The following MAP3K13 variants were observed in gnomAD, a reference collection of about 807,000 sequenced individuals.
The protein encoded by MAP3K13 is mitogen-activated protein kinase kinase kinase 13, also known as leucine zipper-bearing kinase.
In MAP3K13, 52 loss-of-function variants were observed where a neutral mutation model predicts 104.0. The observed-to-expected ratio is 0.50, with a 90% confidence interval of 0.40 to 0.63. The LOEUF is 0.63. MAP3K13 is among the 20% of genes least tolerant of loss of function. The pLI is 0.00. For missense variants in MAP3K13, 914 were observed against 1,218.5 expected (o/e 0.75, Z 3.72); for synonymous variants, 394 against 442.2 (o/e 0.89, Z 1.37).
intron 1 of MAP3K13, among the ~76,000 whole-genome samples, chr3:185,390,000 C>G (rs1448751466): frequency 2.0e-5 from 3 of 152,144 alleles, no homozygotes; most frequent in Non-Finnish European, 2.9e-5. Flanking sequence ...TCTGCTTCTG[C>G]TTTCAATCTG....
At chr3:185,390,970 C>A (rs1384293441) in intron 1 of MAP3K13, among the ~76,000 whole-genome samples, 1 of 152,116 alleles carries the variant, frequency 6.6e-6, no homozygotes, top group Non-Finnish European at 1.5e-5. Context: ...CTACACATCC[C>A]GGTCTGTCCA....
chr3:185,374,578 C>A (rs1160514650), intron 1 of MAP3K13, among the ~76,000 whole-genome samples: 1 of 152,022 alleles, frequency 6.6e-6, no homozygotes, highest in East Asian at 1.9e-4. Context: ...GACTAAGAAT[C>A]GGGAGGACCC....
intron 2 of MAP3K13, among the ~76,000 whole-genome samples, chr3:185,289,348 A>G (rs1720649855): frequency 1.3e-5 from 2 of 152,252 alleles, no homozygotes; most frequent in South Asian, 4.1e-4. Context: ...AAACTTTTTT[A>G]TAGTGTAATA....
chr3:185,292,531 A>G (rs747818322), intron 2 of MAP3K13: 3 of 460,308 alleles, frequency 6.5e-6, no homozygotes, highest in Non-Finnish European at 8.6e-6. Context: ...TGAATCTAAC[A>G]TTTTCCCCCC....
chr3:185,283,579 TC>T (rs1289861866), intron 1 of MAP3K13, among the ~76,000 whole-genome samples: 3 of 152,202 alleles, frequency 2.0e-5, no homozygotes. Flanking sequence ...TAGAAATGAC[TC>T]CAGTTTAGTT....
At chr3:185,390,722 C>T (rs2108767617) in intron 1 of MAP3K13, among the ~76,000 whole-genome samples, 1 of 149,838 alleles carries the variant, frequency 6.7e-6, no homozygotes, top group East Asian at 2.0e-4. Flanking sequence ...CTCCCAGGTT[C>T]AAGTGATTCT....
intron 2 of MAP3K13, among the ~76,000 whole-genome samples, chr3:185,356,596 C>G (rs1259264114): frequency 1.3e-5 from 2 of 152,184 alleles, no homozygotes; most frequent in Non-Finnish European, 2.9e-5. Flanking sequence ...CAGCTAGTAT[C>G]CTGATGAAAC....
chr3:185,293,059 G>T (rs369419424), intron 2 of MAP3K13: 1 of 983,584 alleles, frequency 1.0e-6, no homozygotes, highest in African/African-American at 1.8e-5. Flanking sequence ...TAAATAAAAT[G>T]TACTTTTTTT....
chr3:185,439,449 C>G (rs1025866834), intron 3 of MAP3K13, among the ~76,000 whole-genome samples: 2 of 152,036 alleles, frequency 1.3e-5, no homozygotes, highest in African/African-American at 2.4e-5. Context: ...CCTCTTCTTT[C>G]TTTCCTTCAT....
At chr3:185,313,047 A>T (rs1196075918) in intron 2 of MAP3K13, among the ~76,000 whole-genome samples, 1 of 151,926 alleles carries the variant, frequency 6.6e-6, no homozygotes, top group Admixed American at 6.6e-5. Flanking sequence ...AAAATTAGCC[A>T]GGCGTGGTGG....
At chr3:185,350,272 G>A (rs549990334) in intron 2 of MAP3K13, among the ~76,000 whole-genome samples, 15 of 152,278 alleles carry the variant, frequency 9.9e-5, no homozygotes, top group African/African-American at 3.1e-4. Flanking sequence ...GGCAACCTCC[G>A]CCTCCCGGGT....
rs766308858 is a variant in MAP3K13 at position 185,484,818 on chromosome 3, G to A, written c.*2362G>A. On this transcript the variant is annotated 3_prime_UTR_variant, in exon 14 of 14. Transcript: ENST00000265026. ...AATATTATCATTCTCATTTTCTGTC[G>A]ATCAGAAGGTGTGATTTATGATGTG... The A allele has an allele frequency of 1.3e-5, 2 of 151,886 alleles. No homozygotes were observed. Among genetic ancestry groups the A allele is most frequent in the African/African-American group, 2.4e-5 (1 of 41,314 alleles). 9.4% of individuals were successfully genotyped at this position (151,886 alleles called of 1,614,324 possible).
chr3:185,321,537 T>A (rs1194821342), intron 2 of MAP3K13, among the ~76,000 whole-genome samples: 1 of 152,210 alleles, frequency 6.6e-6, no homozygotes, highest in African/African-American at 2.4e-5. Flanking sequence ...ACAAAGTGTT[T>A]ATTGTGATTT....
Position 185,486,522 on chromosome 3 carries a change from A to G in MAP3K13, c.*4066A>G, listed in dbSNP as rs1361915560. On this transcript the variant is annotated 3_prime_UTR_variant, in exon 14 of 14. Transcript: ENST00000265026. Reference sequence around the variant, plus strand: ...TATGTTTCTTTGAGAACGACTCCACAGTCATCTGAAGAGTGTTGAATCAAG... The same window carrying G: ...TATGTTTCTTTGAGAACGACTCCACGGTCATCTGAAGAGTGTTGAATCAAG... 3 of 152,242 alleles carry G rather than the reference A, an allele frequency of 2.0e-5. No homozygotes were observed. Among genetic ancestry groups the G allele is most frequent in the Non-Finnish European group, 4.4e-5 (3 of 68,052 alleles). The allele number at this position is 152,242 out of a possible 1,614,324, so 9.4% of individuals were successfully genotyped here. A position where few individuals can be genotyped will look rare whatever the true frequency, so the allele number is the denominator to read the frequency against.
At chr3:185,419,678 C>G (rs1714009065) in intron 1 of MAP3K13, among the ~76,000 whole-genome samples, 1 of 151,886 alleles carries the variant, frequency 6.6e-6, no homozygotes, top group Non-Finnish European at 1.5e-5. Flanking sequence ...TTTAAAGTTA[C>G]TGATTTTATC....
At chr3:185,461,569 A>T (rs936044598) in intron 7 of MAP3K13, among the ~76,000 whole-genome samples, 3 of 151,296 alleles carry the variant, frequency 2.0e-5, no homozygotes, top group Non-Finnish European at 2.9e-5. Context: ...TATTTTTTTA[A>T]TTTTTTTTCT....
At chr3:185,466,577 A>G (rs1717446136) in intron 9 of MAP3K13, among the ~76,000 whole-genome samples, 3 of 151,930 alleles carry the variant, frequency 2.0e-5, no homozygotes, top group Non-Finnish European at 4.4e-5. Context: ...GGATTTCACT[A>G]TGTTGCCCAG....
At chr3:185,353,231 G>T (rs1467288660) in intron 2 of MAP3K13, among the ~76,000 whole-genome samples, 2 of 152,170 alleles carry the variant, frequency 1.3e-5, no homozygotes, top group Non-Finnish European at 2.9e-5. Context: ...ATTTAAAGGA[G>T]TTTAATTGAG....
At chr3:185,288,476 G>C (rs1434895602) in intron 2 of MAP3K13, among the ~76,000 whole-genome samples, 1 of 148,114 alleles carries the variant, frequency 6.8e-6, no homozygotes, top group African/African-American at 2.5e-5. Context: ...ATATATTCCA[G>C]AAATATATGT....
Sources: allele counts gnomAD v4.1 joint callset (sites outside exome capture counted in the v4.1 genomes callset), GRCh38; gene constraint gnomAD v4.1.1; transcripts MANE v1.5; gene names NCBI Gene and HGNC (gene_info 2026-07-23, HGNC 2026-07-21).